IL22RA1: variants seen among roughly 807,000 people sequenced by gnomAD.
The protein encoded by IL22RA1 is interleukin-22 receptor subunit alpha-1.
IL22RA1 carries 25 observed loss-of-function variants against 32.8 expected under a neutral mutation model. That is an observed-to-expected ratio of 0.76 (90% CI 0.55 to 1.06). The LOEUF (loss-of-function observed/expected upper bound fraction) is 1.06. Ranked by LOEUF, IL22RA1 falls within the 50% of genes least tolerant of loss-of-function variation. The pLI, the probability that IL22RA1 is intolerant of heterozygous loss-of-function variation, is 0.00. For synonymous variants in IL22RA1, 305 were observed against 305.0 expected, an observed-to-expected ratio of 1.00 and a Z score of 0.00; for missense variants, 709 against 727.4, an observed-to-expected ratio of 0.97 and a Z score of 0.29.
At chr1:24,126,913 G>A (rs1644165354) in intron 5 of IL22RA1, among the ~76,000 whole-genome samples, 2 of 151,688 alleles carry the variant, frequency 1.3e-5, no homozygotes, top group Non-Finnish European at 2.9e-5. Context: ...GCTCATGCCT[G>A]TAATCCCAGC....
rs747331946 is a variant in IL22RA1, at chr1:24,134,300, C to T, written c.442G>A (p.Ala148Thr). The change falls in exon 4 of 7, where the codon GCA (alanine) becomes ACA (threonine). Residue 148 changes from alanine (A) to threonine (T), a missense_variant. Ala to Thr is a moderately conservative substitution (Grantham distance 58). Coordinates refer to ENST00000270800, the MANE Select transcript of IL22RA1 (RefSeq NM_021258.4). ...AGGGTTAGCCGGTGGCCATCGCCTG[C>T]ACGGATTGGCGTGGGGGTAGGATGA... ...IVHPTPTPIR[A>T]GDGHRLTLED... The T allele has an allele frequency of 6.2e-7, 1 of 1,608,994 alleles. No individual in the cohort carries two copies. The highest frequency in any genetic ancestry group is 2.3e-5 in the East Asian group (1 of 44,260).
At chr1:24,140,918 G>A (rs1206643916) in intron 1 of IL22RA1, among the ~76,000 whole-genome samples, 1 of 152,260 alleles carries the variant, frequency 6.6e-6, no homozygotes, top group Non-Finnish European at 1.5e-5. Flanking sequence ...CTGCCAGTGG[G>A]CCCAAGGTGT....
chr1:24,122,353 G>A (rs1269687972), intron 6 of IL22RA1, among the ~76,000 whole-genome samples: 1 of 150,680 alleles, frequency 6.6e-6, no homozygotes, highest in Non-Finnish European at 1.5e-5. Flanking sequence ...GCTGATGTAG[G>A]GCTTTCCATT....
intron 2 of IL22RA1, 114 bp from the exon 3 acceptor site, chr1:24,137,423 C>T: frequency 1.1e-6 from 1 of 889,484 alleles, no homozygotes; most frequent in East Asian, 2.6e-5. Flanking sequence ...TTCAGTGGCC[C>T]AGGCCCTTTA....
Position 24,121,248 on chromosome 1 carries a change from T to G in IL22RA1, c.1282A>C (p.Lys428Gln), listed in dbSNP as rs1460738841. The part of the protein sequence containing the change: ...TLSSPKHLRP[K>Q]GQLQKEPPAG... ...GGTGGCTCTTTCTGAAGCTGACCTT[T>G]AGGCCTAAGGTGTTTAGGACTAGAA... The change falls in exon 7 of 7, where the codon AAA (lysine) becomes CAA (glutamine). Residue 428 changes from lysine to glutamine, a missense_variant. Transcript: ENST00000270800. 2.5e-6 allele frequency: 4 copies of G among 1,614,230 alleles called. No individual in the cohort carries two copies. The Admixed American group carries it at 6.7e-5, about 27-fold the overall frequency.
chr1:24,121,311 T>G lies in IL22RA1; in HGVS notation c.1219A>C (p.Met407Leu). ...GGGGAGTCTTTGCCAGAACCTTCCA[T>G]GCATACCCCATAGGAGGGAGGCCAG... is the stretch of plus-strand genomic sequence containing the variant. ...DSWPPSYGVC[M>L]EGSGKDSPTG... Residue 407 changes from methionine (M) to leucine (L), a missense_variant, in exon 7 of 7, where the codon ATG becomes CTG. Coordinates refer to ENST00000270800, the MANE Select transcript of IL22RA1 (RefSeq NM_021258.4). The G allele has an allele frequency of 6.2e-7, 1 of 1,612,860 alleles. No individual in the cohort carries two copies. The highest frequency in any genetic ancestry group is 8.5e-7 in the Non-Finnish European group (1 of 1,179,312).
intron 4 of IL22RA1, among the ~76,000 whole-genome samples, chr1:24,131,395 T>C (rs974649681): frequency 6.6e-6 from 1 of 152,168 alleles, no homozygotes; most frequent in Non-Finnish European, 1.5e-5. Context: ...ATTTTAAATA[T>C]AATAACAGAG....
chr1:24,140,766 G>A (rs12047417), intron 1 of IL22RA1, among the ~76,000 whole-genome samples: 94,883 of 151,844 alleles, frequency 0.62, 31,463 homozygotes, highest in East Asian at 0.98. Context: ...CAGCTGGCTC[G>A]GAGCTCGGAG....
At chr1:24,142,065 AG>A (rs1644285089) in intron 1 of IL22RA1, among the ~76,000 whole-genome samples, 1 of 152,098 alleles carries the variant, frequency 6.6e-6, no homozygotes, top group Non-Finnish European at 1.5e-5. Flanking sequence ...AGTATGGCTG[AG>A]GGTCTAAAGG....
intron 5 of IL22RA1, chr1:24,123,625 C>T: frequency 8.4e-7 from 1 of 1,196,266 alleles, no homozygotes; most frequent in Non-Finnish European, 1.1e-6. Flanking sequence ...TATATTTTTA[C>T]ACTGTTAAAT....
chr1:24,121,439 T>C lies in IL22RA1; in HGVS notation c.1091A>G (p.Tyr364Cys), dbSNP rs761057110. The change falls in exon 7 of 7, where the codon TAT becomes TGT. Residue 364 changes from tyrosine to cysteine, a missense_variant. Transcript: ENST00000270800. ...NAAPEVGPPS[Y>C]APQVTPEAQF... ...AGCTTCGGGGGTCACCTGAGGTGCA[T>C]AGGATGGGGGCCCGACCTCAGGGGC... 1.3e-6 allele frequency: 2 copies of C among 1,547,656 alleles called. No homozygotes were observed. Among genetic ancestry groups the C allele is most frequent in the Admixed American group, 1.9e-5 (1 of 53,006 alleles).
At position 24,120,722 on chromosome 1, in the gene IL22RA1, G is replaced by C; in HGVS notation, c.*83C>G. ...CTGAGGCCAGATCGCAGAGTGTGTG[G>C]CGTGGGCAGGCATGGGATTGACAGC... On this transcript the variant is annotated 3_prime_UTR_variant, in exon 7 of 7. Coordinates refer to ENST00000270800, the MANE Select transcript of IL22RA1 (RefSeq NM_021258.4). 1.6e-6 allele frequency: 2 copies of C among 1,289,336 alleles called. No homozygotes were observed. The highest frequency in any genetic ancestry group is 2.2e-6 in the Non-Finnish European group (2 of 925,168). 79.9% of individuals were successfully genotyped at this position (1,289,336 alleles called of 1,614,324 possible).
chr1:24,127,560 G>A (rs959899390), intron 5 of IL22RA1, among the ~76,000 whole-genome samples: 2 of 152,104 alleles, frequency 1.3e-5, no homozygotes, highest in Non-Finnish European at 2.9e-5. Context: ...TGATCCTCCT[G>A]CCTTGGCCTC....
intron 1 of IL22RA1, among the ~76,000 whole-genome samples, chr1:24,139,889 A>T (rs1644268950): frequency 6.6e-6 from 1 of 152,124 alleles, no homozygotes; most frequent in East Asian, 1.9e-4. Context: ...CTTATTTTAG[A>T]GATATGTAAC....
At chr1:24,136,848 C>T (rs763332358) in intron 3 of IL22RA1, among the ~76,000 whole-genome samples, 9 of 151,758 alleles carry the variant, frequency 5.9e-5, no homozygotes, top group Non-Finnish European at 1.3e-4. Context: ...GTTGGGGAAA[C>T]AAGTTAGGTG....
At chr1:24,132,066 C>T (rs1429656917) in intron 4 of IL22RA1, among the ~76,000 whole-genome samples, 2 of 152,120 alleles carry the variant, frequency 1.3e-5, no homozygotes, top group Non-Finnish European at 2.9e-5. Context: ...AACAAAAATT[C>T]GTCCCCTCCA....
intron 1 of IL22RA1, 124 bp downstream of exon 1, chr1:24,142,916 C>T: frequency 4.4e-6 from 4 of 917,806 alleles, no homozygotes; most frequent in Non-Finnish European, 7.0e-6. Context: ...GCACCCTGCT[C>T]AGCCCTAGCA....
Position 24,120,821 on chromosome 1 carries a change from A to G in IL22RA1, c.1709T>C (p.Val570Ala). Residue 570 changes from valine to alanine, a missense_variant, in exon 7 of 7, where the codon GTG (valine) becomes GCG (alanine). Coordinates refer to ENST00000270800, the MANE Select transcript of IL22RA1 (RefSeq NM_021258.4). ...CCATTCCCCTCAGGACTCCCACTGC[A>G]CAGTCAGGGCCAGGCCTCTGAAAAG... The part of the protein sequence containing the change: ...DSLFRGLALT[V>A]QWES 2 of 1,607,390 alleles carry G rather than the reference A, an allele frequency of 1.2e-6. No individual in the cohort carries two copies. The highest frequency in any genetic ancestry group is 4.5e-5 in the East Asian group (2 of 44,758).
Position 24,133,892 on chromosome 1 carries a change from T to C in IL22RA1, c.531+319A>G, listed in dbSNP as rs370174338. On this transcript the variant is annotated intron_variant, in intron 4 of 6. Transcript: ENST00000270800. ...ATGTAGCTAACCTGCACATTTACCC[T>C]AAAACTTAAAGTATAATAATAATAA... Among the ~76,000 whole-genome samples the C allele has an allele frequency of 2.2e-4, 33 of 152,198 alleles. No homozygotes were observed. In the East Asian group the frequency reaches 4.6e-3, roughly 21 times the overall value.
Sources: gnomAD v4.1 joint callset for allele counts (sites outside exome capture counted in the v4.1 genomes callset) on GRCh38, gnomAD v4.1.1 for gene constraint, MANE v1.5 for transcripts, NCBI Gene and HGNC (gene_info 2026-07-23, HGNC 2026-07-21) for gene names.